Variants in PCDHGB1 observed in about 807,000 individuals in gnomAD.
PCDHGB1 encodes the protein protocadherin gamma subfamily B, 1.
A neutral mutation model predicts 56.6 loss-of-function variants in PCDHGB1; 34 were observed. The ratio of observed to expected loss-of-function variants is 0.60; its 90% confidence interval spans 0.46 to 0.80. The LOEUF (loss-of-function observed/expected upper bound fraction) is 0.80. PCDHGB1 is among the 30% of genes least tolerant of loss of function. The pLI, the probability that PCDHGB1 is intolerant of heterozygous loss-of-function variation, is 0.00. For synonymous variants in PCDHGB1, 561 were observed against 505.9 expected, an observed-to-expected ratio of 1.11 and a Z score of -1.46; for missense variants, 1,278 against 1,204.6, an observed-to-expected ratio of 1.06 and a Z score of -0.90.
intron 1 of PCDHGB1, chr5:141,370,780 A>T (rs1185164104): frequency 6.2e-7 from 1 of 1,613,990 alleles, no homozygotes; most frequent in Non-Finnish European, 8.5e-7. Context: ...ATTAACGACA[A>T]CCCACCGACC....
chr5:141,433,993 T>G (rs1367687577), intron 1 of PCDHGB1, among the ~76,000 whole-genome samples: 1 of 152,216 alleles, frequency 6.6e-6, no homozygotes, highest in Non-Finnish European at 1.5e-5. Context: ...GAGTTTTATA[T>G]TCTCTATATA....
At chr5:141,428,147 G>C (rs771536400) in intron 1 of PCDHGB1, 1 of 1,589,612 alleles carries the variant, frequency 6.3e-7, no homozygotes, top group Admixed American at 1.7e-5. Flanking sequence ...GGCTGCACAC[G>C]GGAACCTGCT....
intron 1 of PCDHGB1, chr5:141,384,968 C>T (rs1345751127): frequency 1.2e-6 from 2 of 1,613,962 alleles, no homozygotes; most frequent in East Asian, 2.2e-5. Context: ...TATGACCTCA[C>T]GTTGTACCTG....
rs369129764 is a variant in PCDHGB1, at chr5:141,357,546, G to C, written c.2409+4877G>C. ...GCTATGCAGACACGCTCATCAGCCG[G>C]GAGAGTTGTGAGAAAAGCGAGCCTC... On this transcript the variant is annotated intron_variant, in intron 1 of 3. Coordinates refer to ENST00000523390, the MANE Select transcript of PCDHGB1 (RefSeq NM_018922.3). The C allele has an allele frequency of 2.6e-4, 415 of 1,614,182 alleles. 2 individuals are homozygous for C. The African/African-American group carries it at 4.6e-3, about 18-fold the overall frequency.
At chr5:141,385,096 G>C (rs746092295) in intron 1 of PCDHGB1, 2 of 1,614,072 alleles carry the variant, frequency 1.2e-6, no homozygotes, top group South Asian at 2.2e-5. Context: ...AGGTGGCTTG[G>C]CGAACGTGCC....
chr5:141,399,660 C>A lies in PCDHGB1; in HGVS notation c.2409+46991C>A, dbSNP rs988885728. 11 of 1,613,536 alleles carry A rather than the reference C, an allele frequency of 6.8e-6. No individual in the cohort carries two copies. The highest frequency in any genetic ancestry group is 9.3e-6 in the Non-Finnish European group (11 of 1,179,888). ...TGAGCGCGCAAAGTGGGGTGGTGTT[C>A]GCGCAGCGCGCCTTTGACTACGAGC... is the stretch of plus-strand genomic sequence containing the variant. On this transcript the variant is annotated intron_variant, in intron 1 of 3. Coordinates refer to ENST00000523390, the MANE Select transcript of PCDHGB1 (RefSeq NM_018922.3).
chr5:141,472,673 C>T (rs2099292538), intron 1 of PCDHGB1, among the ~76,000 whole-genome samples: 3 of 151,340 alleles, frequency 2.0e-5, no homozygotes, highest in Admixed American at 2.0e-4. Context: ...GTATACTGGT[C>T]CTTCCATTTC....
chr5:141,394,619 C>T, intron 1 of PCDHGB1: 1 of 1,613,528 alleles, frequency 6.2e-7, no homozygotes, highest in Non-Finnish European at 8.5e-7. Flanking sequence ...GCCAGAACGC[C>T]TGGCTGTCCT....
At position 141,511,216 on chromosome 5, in the gene PCDHGB1, C is replaced by G. The variant is rs374915167; in HGVS notation, c.*43C>G. Reference sequence around the variant, plus strand: ...GAGCCACAGGGCGGCCTCTCCCCAACCAGCCCAGCTTCTCCTTACCTGCAC... The same window carrying G: ...GAGCCACAGGGCGGCCTCTCCCCAAGCAGCCCAGCTTCTCCTTACCTGCAC... On this transcript the variant is annotated 3_prime_UTR_variant, in exon 4 of 4. Coordinates refer to ENST00000523390, the MANE Select transcript of PCDHGB1 (RefSeq NM_018922.3). 4.2e-5 allele frequency: 68 copies of G among 1,608,004 alleles called. No individual in the cohort carries two copies. The highest frequency in any genetic ancestry group is 6.7e-5 in the East Asian group (3 of 44,538).
chr5:141,460,924 A>ATG (rs1333352687), intron 1 of PCDHGB1, among the ~76,000 whole-genome samples: 26 of 150,590 alleles, frequency 1.7e-4, no homozygotes, highest in South Asian at 6.3e-4. Flanking sequence ...ATATATATAT[A>ATG]TGTGTGTGTG....
chr5:141,422,842 G>A (rs756990417), intron 1 of PCDHGB1: 5 of 1,614,228 alleles, frequency 3.1e-6, no homozygotes, highest in South Asian at 1.1e-5. Flanking sequence ...ACGTGACAGC[G>A]GGGACCCGCC....
chr5:141,351,186 G>GTAGA lies in PCDHGB1; in HGVS notation c.929_932dup (p.Tyr311Ter), dbSNP rs757467354. ...GGCACATTGGATTTTGAAGAGACAA[G>GTAGA]TAGATATGTGTTGAGTGTGGAAGCT... On this transcript the variant is annotated frameshift_variant, in exon 1 of 4. Transcript: ENST00000523390. LOFTEE classifies it high-confidence loss of function. The GTAGA allele has an allele frequency of 1.2e-6, 2 of 1,614,046 alleles. No individual in the cohort carries two copies. Among genetic ancestry groups the GTAGA allele is most frequent in the Admixed American group, 3.3e-5 (2 of 60,028 alleles).
rs768032628 is a variant in PCDHGB1, at chr5:141,350,911, G to A, written c.651G>A (p.Pro217=). ...TGACTGCCATGGATGGCGGGGACCC[G>A]CCTCTAAGCGGCACCACCCATATCT... ...LILTAMDGGD[P]PLSGTTHIWI... is the part of the protein sequence containing the mutation. Residue 217 remains proline, a synonymous_variant, in exon 1 of 4, where the codon CCG becomes CCA. Transcript: ENST00000523390. 1.2e-5 allele frequency: 20 copies of A among 1,613,942 alleles called. No individual in the cohort carries two copies. The highest frequency in any genetic ancestry group is 1.6e-5 in the Non-Finnish European group (19 of 1,179,902).
chr5:141,477,671 G>A lies in PCDHGB1; in HGVS notation c.2410-17136G>A, dbSNP rs1022028453. The A allele has an allele frequency of 1.2e-6, 2 of 1,614,198 alleles. No individual in the cohort carries two copies. Among genetic ancestry groups the A allele is most frequent in the Non-Finnish European group, 1.7e-6 (2 of 1,180,048 alleles). Reference sequence around the variant, plus strand: ...CACAATAAATCGTGACAATGGCATAGTGTCATCCTTAGTGCCCCTAGACTA... The same window carrying A: ...CACAATAAATCGTGACAATGGCATAATGTCATCCTTAGTGCCCCTAGACTA... On this transcript the variant is annotated intron_variant, in intron 1 of 3. Coordinates refer to ENST00000523390, the MANE Select transcript of PCDHGB1 (RefSeq NM_018922.3). This position sits in a 1 kb window ranked among gnomAD's most constrained non-coding sequence, Gnocchi z 4.9.
intron 1 of PCDHGB1, among the ~76,000 whole-genome samples, chr5:141,382,171 G>T (rs1325332399): frequency 6.6e-6 from 1 of 151,984 alleles, no homozygotes; most frequent in African/African-American, 2.4e-5. Flanking sequence ...GTGTTAGACC[G>T]TCTCTAAGGT....
chr5:141,388,710 G>A (rs756980821), intron 1 of PCDHGB1: 3 of 1,613,966 alleles, frequency 1.9e-6, no homozygotes, highest in Non-Finnish European at 8.5e-7. Flanking sequence ...TGTCAATGCC[G>A]AGATTACTTT....
intron 1 of PCDHGB1, chr5:141,418,426 C>A: frequency 6.2e-7 from 1 of 1,613,948 alleles, no homozygotes; most frequent in South Asian, 1.1e-5. Flanking sequence ...CTGATGGTGG[C>A]AAATATCCAG....
At chr5:141,362,547 T>G (rs1392126264) in intron 1 of PCDHGB1, 19 of 1,613,406 alleles carry the variant, frequency 1.2e-5, no homozygotes, top group Admixed American at 1.7e-5. Flanking sequence ...CCTCAGATAC[T>G]ATTTTGAAGG....
intron 3 of PCDHGB1, among the ~76,000 whole-genome samples, chr5:141,509,437 C>T (rs923580110): frequency 2.6e-5 from 4 of 152,104 alleles, no homozygotes; most frequent in African/African-American, 9.7e-5. Context: ...ACTCTTGTTT[C>T]CTCCTCTCCC....
Sources: gnomAD v4.1 joint callset for allele counts (sites outside exome capture counted in the v4.1 genomes callset) on GRCh38, gnomAD v4.1.1 for gene constraint, Gnocchi (gnomAD v3.1) non-coding constraint, MANE v1.5 for transcripts, NCBI Gene and HGNC (gene_info 2026-07-23, HGNC 2026-07-21) for gene names.